Variants in TBXAS1 observed in about 807,000 individuals in gnomAD.
The protein encoded by TBXAS1 is thromboxane A synthase 1.
A neutral mutation model predicts 60.7 loss-of-function variants in TBXAS1; 48 were observed. The observed-to-expected ratio is 0.79, with a 90% CI of 0.63 to 1.01. The LOEUF is 1.01. Ranked by LOEUF, TBXAS1 falls within the 50% of genes least tolerant of loss-of-function variation. TBXAS1 has a pLI of 0.00. For synonymous variants in TBXAS1, 287 were observed against 269.7 expected, an observed-to-expected ratio of 1.06 and a Z score of -0.63; for missense variants, 685 against 686.3, an observed-to-expected ratio of 1.00 and a Z score of 0.02.
At chr7:139,921,577 C>T (rs1045970942) in intron 4 of TBXAS1, among the ~76,000 whole-genome samples, 1 of 152,100 alleles carries the variant, frequency 6.6e-6, no homozygotes, top group Non-Finnish European at 1.5e-5. Flanking sequence ...GTGGTGTGTG[C>T]CTGTGGTCCC....
intron 1 of TBXAS1, among the ~76,000 whole-genome samples, chr7:139,846,960 C>G (rs925155424): frequency 6.6e-5 from 10 of 152,198 alleles, no homozygotes; most frequent in Non-Finnish European, 1.0e-4. Context: ...CCTCTCTGGG[C>G]TTGATCACTT....
chr7:139,939,925 C>G (rs888100506), intron 5 of TBXAS1, among the ~76,000 whole-genome samples: 2 of 152,180 alleles, frequency 1.3e-5, no homozygotes, highest in Non-Finnish European at 2.9e-5. Flanking sequence ...GATAATATTT[C>G]TGAAACGTGA....
intron 3 of TBXAS1, among the ~76,000 whole-genome samples, chr7:139,894,001 G>T (rs1803877009): frequency 6.6e-6 from 1 of 152,300 alleles, no homozygotes; most frequent in Admixed American, 6.5e-5. Flanking sequence ...AGGATGAGAA[G>T]GACCACTTCA....
At chr7:139,857,528 T>G (rs954562523) in intron 1 of TBXAS1, among the ~76,000 whole-genome samples, 8 of 152,146 alleles carry the variant, frequency 5.3e-5, no homozygotes, top group Admixed American at 4.6e-4. Flanking sequence ...TATCAGTCAC[T>G]TCAAGAGTTT....
At chr7:139,909,497 GTAGT>G (rs1232270149) in intron 3 of TBXAS1, among the ~76,000 whole-genome samples, 15 of 152,108 alleles carry the variant, frequency 9.9e-5, no homozygotes, top group African/African-American at 3.6e-4. Context: ...AACACAAAAA[GTAGT>G]TAGTATTCTT....
intron 5 of TBXAS1, among the ~76,000 whole-genome samples, chr7:139,937,665 C>A (rs951962932): frequency 1.2e-4 from 19 of 152,148 alleles, no homozygotes; most frequent in African/African-American, 4.6e-4. Flanking sequence ...ATACCATCAT[C>A]CTTATTATTA....
chr7:139,857,729 AT>A (rs544006307), intron 1 of TBXAS1, among the ~76,000 whole-genome samples: 2,569 of 139,408 alleles, frequency 0.018, 14 homozygotes, highest in South Asian at 0.034. Context: ...TTTCTTCTTA[AT>A]TTTTTTTTTT....
chr7:139,989,305 A>G (rs534536990), intron 9 of TBXAS1, among the ~76,000 whole-genome samples: 1 of 152,158 alleles, frequency 6.6e-6, no homozygotes, highest in East Asian at 1.9e-4. Context: ...GGGAGCTGCT[A>G]CCCCCAAATC....
At chr7:139,832,240 T>G (rs892320613) in intron 1 of TBXAS1, among the ~76,000 whole-genome samples, 1 of 152,090 alleles carries the variant, frequency 6.6e-6, no homozygotes, top group Non-Finnish European at 1.5e-5. Flanking sequence ...GGGAGAAATA[T>G]TCAATGAAAT....
intron 4 of TBXAS1, among the ~76,000 whole-genome samples, chr7:139,822,480 T>G (rs1270864860): frequency 6.6e-6 from 1 of 152,162 alleles, no homozygotes; most frequent in Admixed American, 6.5e-5. Context: ...ATTATTTCCC[T>G]ACTTCAGATT....
chr7:139,930,482 A>G (rs1183913929), intron 4 of TBXAS1, among the ~76,000 whole-genome samples: 1 of 152,172 alleles, frequency 6.6e-6, no homozygotes. Flanking sequence ...CAAACCAGAG[A>G]GGTCAGCTCT....
chr7:140,019,850 G>A (rs41305942), intron 12 of TBXAS1, among the ~76,000 whole-genome samples, 175 bp from the exon 13 acceptor site: 52 of 152,344 alleles, frequency 3.4e-4, no homozygotes, highest in Non-Finnish European at 6.3e-4. Context: ...GTGAGATGGG[G>A]AGGATCAGCA....
intron 12 of TBXAS1, 50 bp from the exon 13 acceptor site, chr7:140,019,975 G>A (rs373921613): frequency 6.4e-7 from 1 of 1,565,118 alleles, no homozygotes; most frequent in Non-Finnish European, 8.8e-7. Flanking sequence ...CATTTGTACA[G>A]TGAGATGCTA....
At chr7:139,933,329 C>G (rs1807485210) in intron 4 of TBXAS1, among the ~76,000 whole-genome samples, 1 of 152,176 alleles carries the variant, frequency 6.6e-6, no homozygotes, top group South Asian at 2.1e-4. Flanking sequence ...TCACTCTTAT[C>G]TCTAATTTAT....
At chr7:139,867,342 C>T (rs1429563922) in intron 1 of TBXAS1, among the ~76,000 whole-genome samples, 1 of 152,164 alleles carries the variant, frequency 6.6e-6, no homozygotes, top group East Asian at 1.9e-4. Flanking sequence ...GCCGGCTGGA[C>T]CCTTCTCCTG....
intron 4 of TBXAS1, among the ~76,000 whole-genome samples, chr7:139,929,911 C>T (rs1807177565): frequency 6.6e-6 from 1 of 152,174 alleles, no homozygotes; most frequent in Non-Finnish European, 1.5e-5. Flanking sequence ...CACCAAACAG[C>T]GAGATTCTTT....
At chr7:139,825,931 A>G (rs2116458745), upstream of TBXAS1, among the ~76,000 whole-genome samples, 1 of 152,348 alleles carries the variant, frequency 6.6e-6, no homozygotes, top group African/African-American at 2.4e-5. Context: ...TTAGCAGGTT[A>G]GAGTCTCTGA....
chr7:139,867,974 T>G (rs1369400706), intron 1 of TBXAS1, among the ~76,000 whole-genome samples: 1 of 152,202 alleles, frequency 6.6e-6, no homozygotes, highest in East Asian at 1.9e-4. Context: ...CAGTAAATTG[T>G]ACCGCTGGCA....
intron 4 of TBXAS1, chr7:139,797,550 T>C (rs1182415806): frequency 6.6e-6 from 1 of 152,248 alleles, no homozygotes; most frequent in Non-Finnish European, 1.5e-5. Context: ...AACTTCACCA[T>C]GTAGTGACTC....
Sources: gnomAD v4.1 joint callset for allele counts (sites outside exome capture counted in the v4.1 genomes callset) on GRCh38, gnomAD v4.1.1 for gene constraint, MANE v1.5 for transcripts, NCBI Gene and HGNC (gene_info 2026-07-23, HGNC 2026-07-21) for gene names.